Variants in PTPRD observed in about 807,000 individuals in gnomAD.
PTPRD encodes the protein receptor-type tyrosine-protein phosphatase delta.
PTPRD carries 34 observed loss-of-function variants against 214.5 expected under a neutral mutation model. The observed-to-expected ratio is 0.16, with a 90% CI of 0.12 to 0.21. The LOEUF (loss-of-function observed/expected upper bound fraction) is 0.21. PTPRD is among the 10% of genes least tolerant of loss of function. PTPRD has a pLI of 1.00. For missense variants in PTPRD, 2,545 were observed against 2,398.7 expected (o/e 1.06, Z -1.27); for synonymous variants, 1,128 against 845.7 (o/e 1.33, Z -5.79).
intron 3 of PTPRD, among the ~76,000 whole-genome samples, chr9:10,261,580 T>A (rs2154376092): frequency 6.6e-6 from 1 of 152,214 alleles, no homozygotes; most frequent in African/African-American, 2.4e-5. Flanking sequence ...TTTAATTTGA[T>A]CCAATCTAAG....
chr9:8,540,534 G>A (rs748259765), intron 14 of PTPRD, among the ~76,000 whole-genome samples: 65 of 152,106 alleles, frequency 4.3e-4, no homozygotes, highest in Non-Finnish European at 6.3e-4. Context: ...CATAATGCAC[G>A]TTTATTATTT....
chr9:10,278,405 G>A (rs2094857521), intron 3 of PTPRD, among the ~76,000 whole-genome samples: 1 of 152,164 alleles, frequency 6.6e-6, no homozygotes, highest in Admixed American at 6.5e-5. Flanking sequence ...TCCTGGAGGT[G>A]AGCTTGAGGT....
At chr9:10,060,920 C>CT (rs776366451) in intron 3 of PTPRD, among the ~76,000 whole-genome samples, 1 of 117,848 alleles carries the variant, frequency 8.5e-6, no homozygotes, top group Non-Finnish European at 1.6e-5. Flanking sequence ...TTCTTTCTTT[C>CT]TTTCTTTCTT....
At chr9:8,934,494 A>ATAAATATAT (rs2098981278) in intron 11 of PTPRD, among the ~76,000 whole-genome samples, 2 of 7,434 alleles carry the variant, frequency 2.7e-4, no homozygotes, top group Non-Finnish European at 5.1e-4. Flanking sequence ...TATATATATA[A>ATAAATATAT]ATATATATAT....
intron 5 of PTPRD, among the ~76,000 whole-genome samples, chr9:9,855,459 A>C (rs1456147571): frequency 6.6e-6 from 1 of 152,208 alleles, no homozygotes; most frequent in Non-Finnish European, 1.5e-5. Flanking sequence ...GAATTGAATA[A>C]AGAGAATACT....
intron 10 of PTPRD, among the ~76,000 whole-genome samples, chr9:9,124,262 G>C (rs2099820683): frequency 6.6e-6 from 1 of 152,040 alleles, no homozygotes; most frequent in Admixed American, 6.6e-5. Flanking sequence ...GGAAAAAGTA[G>C]CTTTTAAGAT....
intron 5 of PTPRD, among the ~76,000 whole-genome samples, chr9:9,880,059 T>TCC (rs1371046733): frequency 6.6e-6 from 1 of 152,170 alleles, no homozygotes; most frequent in Non-Finnish European, 1.5e-5. Flanking sequence ...GGGACCTATA[T>TCC]CCCCAAGTGT....
rs969187668 is a variant in PTPRD at position 8,512,214 on chromosome 9, C to T, written c.1544-4780G>A. ...ATAAAACCGACAGCCAGAATTATAA[C>T]GGTAGTAAAACAAAGCAAAATTCAA... is the stretch of plus-strand genomic sequence containing the variant. On this transcript the variant is annotated intron_variant, in intron 21 of 45. Transcript: ENST00000381196. Among the ~76,000 whole-genome samples, 6 of 152,020 alleles carry T rather than the reference C, an allele frequency of 3.9e-5. No individual in the cohort carries two copies. The South Asian group carries it at 8.3e-4, about 21-fold the overall frequency.
At chr9:9,212,946 AGCCT>A (rs1224754399) in intron 9 of PTPRD, among the ~76,000 whole-genome samples, 1 of 152,210 alleles carries the variant, frequency 6.6e-6, no homozygotes, top group Non-Finnish European at 1.5e-5. Flanking sequence ...TTATGGAATT[AGCCT>A]AGAGTTCTCT....
chr9:10,262,603 T>C (rs760125743), intron 3 of PTPRD, among the ~76,000 whole-genome samples: 42 of 152,130 alleles, frequency 2.8e-4, no homozygotes, highest in Non-Finnish European at 1.0e-4. Context: ...AACAGAGACA[T>C]TGGTACTGCA....
chr9:9,280,136 G>A (rs1293566499), intron 9 of PTPRD, among the ~76,000 whole-genome samples: 1 of 151,246 alleles, frequency 6.6e-6, no homozygotes, highest in Non-Finnish European at 1.5e-5. Flanking sequence ...GAGAAAATCT[G>A]CACATGACAA....
At chr9:10,523,204 T>A (rs532247172) in intron 2 of PTPRD, among the ~76,000 whole-genome samples, 17 of 152,168 alleles carry the variant, frequency 1.1e-4, no homozygotes, top group African/African-American at 3.4e-4. Flanking sequence ...CGTGATGTTT[T>A]AATTTAAGGC....
At chr9:8,425,356 T>C (rs938927433) in intron 35 of PTPRD, among the ~76,000 whole-genome samples, 1 of 152,172 alleles carries the variant, frequency 6.6e-6, no homozygotes, top group African/African-American at 2.4e-5. Context: ...TGAACATTTT[T>C]GAAATCACTT....
intron 10 of PTPRD, among the ~76,000 whole-genome samples, chr9:9,146,367 G>A (rs1018607995): frequency 9.2e-5 from 14 of 151,780 alleles, no homozygotes. Context: ...ATTTACATAG[G>A]GTATCATTTT....
chr9:8,450,269 T>C (rs1443721082), intron 33 of PTPRD, among the ~76,000 whole-genome samples: 1 of 152,096 alleles, frequency 6.6e-6, no homozygotes, highest in African/African-American at 2.4e-5. Context: ...GCTAAATCTG[T>C]CCCCCTTAGC....
At chr9:8,819,580 G>A (rs759196033) in intron 11 of PTPRD, among the ~76,000 whole-genome samples, 1 of 152,110 alleles carries the variant, frequency 6.6e-6, no homozygotes, top group Admixed American at 6.5e-5. Context: ...AGAATCACTT[G>A]AACCTTGGAG....
intron 3 of PTPRD, among the ~76,000 whole-genome samples, chr9:10,117,827 T>G (rs1337841275): frequency 6.6e-6 from 1 of 152,012 alleles, no homozygotes; most frequent in Non-Finnish European, 1.5e-5. Context: ...TGAATATGTT[T>G]ATTTACCTTT....
At chr9:8,813,516 C>T (rs1231687519) in intron 11 of PTPRD, among the ~76,000 whole-genome samples, 2 of 152,114 alleles carry the variant, frequency 1.3e-5, no homozygotes, top group Non-Finnish European at 2.9e-5. Flanking sequence ...GACTACAAGG[C>T]ACGTGCCACC....
chr9:10,000,093 G>C (rs570645544), intron 4 of PTPRD, among the ~76,000 whole-genome samples: 1 of 152,138 alleles, frequency 6.6e-6, no homozygotes, highest in Non-Finnish European at 1.5e-5. Context: ...CATACTGCAA[G>C]TTATAAAAAT....
Sources: allele counts gnomAD v4.1 joint callset (sites outside exome capture counted in the v4.1 genomes callset), GRCh38; gene constraint gnomAD v4.1.1; transcripts MANE v1.5; gene names NCBI Gene and HGNC (gene_info 2026-07-23, HGNC 2026-07-21).